Variants in CCNY observed in about 807,000 individuals in gnomAD.
CCNY encodes cyclin Y, also known as cyclin-Y.
In CCNY, 19 loss-of-function variants were observed where a neutral mutation model predicts 42.8. That is an observed-to-expected ratio of 0.44 (90% confidence interval 0.31 to 0.65). The LOEUF (loss-of-function observed/expected upper bound fraction) is 0.65, where lower values mean the gene tolerates loss of function less well. Among genes scored for constraint, CCNY ranks in the 30% least tolerant of loss-of-function variants. The pLI, the probability that CCNY is intolerant of heterozygous loss-of-function variation, is 0.07. For missense variants in CCNY, 370 were observed against 437.3 expected (o/e 0.85, Z 1.37); for synonymous variants, 165 against 162.7 (o/e 1.01, Z -0.11).
At chr10:35,321,777 A>T (rs1293508039) in intron 3 of CCNY, among the ~76,000 whole-genome samples, 1 of 152,228 alleles carries the variant, frequency 6.6e-6, no homozygotes, top group East Asian at 1.9e-4. Flanking sequence ...AAAAAGAACA[A>T]CAAAGTTGGA....
chr10:35,535,329 G>A (rs1840862906), intron 7 of CCNY, among the ~76,000 whole-genome samples: 1 of 152,018 alleles, frequency 6.6e-6, no homozygotes, highest in South Asian at 2.1e-4. Flanking sequence ...ACCTCAAGGA[G>A]CACGGCACCA....
intron 1 of CCNY, among the ~76,000 whole-genome samples, chr10:35,436,639 C>T (rs1479338756): frequency 6.6e-6 from 1 of 152,172 alleles, no homozygotes; most frequent in Non-Finnish European, 1.5e-5. Flanking sequence ...TCTTTTCCTC[C>T]ATGACTTTGA....
intron 7 of CCNY, among the ~76,000 whole-genome samples, chr10:35,542,593 A>G (rs71489506): frequency 0.016 from 2,459 of 152,292 alleles, 25 homozygotes; most frequent in Non-Finnish European, 0.024. Context: ...GGTCATGCCA[A>G]GTGGGGTTGG....
At chr10:35,441,630 C>G (rs1428628092) in intron 1 of CCNY, among the ~76,000 whole-genome samples, 1 of 152,090 alleles carries the variant, frequency 6.6e-6, no homozygotes, top group Non-Finnish European at 1.5e-5. Flanking sequence ...TGCCTGTAGT[C>G]CTAGCTACTT....
intron 3 of CCNY, among the ~76,000 whole-genome samples, chr10:35,306,041 T>A (rs1335763994): frequency 6.6e-6 from 1 of 152,176 alleles, no homozygotes; most frequent in Non-Finnish European, 1.5e-5. Context: ...ATGCCATTTT[T>A]TTTCTTTATG....
chr10:35,253,979 CAT>C (rs2095713779), intron 3 of CCNY, among the ~76,000 whole-genome samples: 1 of 151,546 alleles, frequency 6.6e-6, no homozygotes, highest in Non-Finnish European at 1.5e-5. Context: ...GGGTTCACGC[CAT>C]TCTCCTGCCT....
intron 1 of CCNY, among the ~76,000 whole-genome samples, chr10:35,343,690 T>C (rs1486380391): frequency 6.6e-6 from 1 of 152,214 alleles, no homozygotes; most frequent in Admixed American, 6.5e-5. Flanking sequence ...GTCTCCGGCC[T>C]GATGGTCTTG....
intron 3 of CCNY, among the ~76,000 whole-genome samples, chr10:35,272,064 G>T (rs993875372): frequency 6.6e-6 from 1 of 152,154 alleles, no homozygotes; most frequent in Admixed American, 6.5e-5. Flanking sequence ...TCGGCTTACT[G>T]CAACCTCCGC....
intron 1 of CCNY, among the ~76,000 whole-genome samples, chr10:35,408,674 AG>A (rs1236924036): frequency 6.6e-6 from 1 of 152,150 alleles, no homozygotes; most frequent in African/African-American, 2.4e-5. Context: ...GTGGATCTTT[AG>A]TTGCTTCAGG....
At chr10:35,401,872 G>T (rs925490540) in intron 1 of CCNY, among the ~76,000 whole-genome samples, 1 of 152,018 alleles carries the variant, frequency 6.6e-6, no homozygotes, top group South Asian at 2.1e-4. Context: ...TGATCAGTAG[G>T]GCAGAAACAA....
intron 1 of CCNY, among the ~76,000 whole-genome samples, chr10:35,454,579 A>G (rs1838989347): frequency 6.6e-6 from 1 of 152,228 alleles, no homozygotes; most frequent in African/African-American, 2.4e-5. Flanking sequence ...GGATCAGTTA[A>G]AAGTGTCAGT....
At chr10:35,468,339 C>T (rs774605674) in intron 1 of CCNY, among the ~76,000 whole-genome samples, 1 of 152,158 alleles carries the variant, frequency 6.6e-6, no homozygotes, top group Non-Finnish European at 1.5e-5. Context: ...TAGGATTTAA[C>T]GTATGAATTT....
chr10:35,286,527 C>T (rs7076498), intron 3 of CCNY, among the ~76,000 whole-genome samples: 64,008 of 151,316 alleles, frequency 0.42, 14,325 homozygotes, highest in African/African-American at 0.57. Flanking sequence ...CCCAGCTAAT[C>T]TTTGTATTTT....
At chr10:35,377,899 T>C (rs1163390441) in intron 1 of CCNY, among the ~76,000 whole-genome samples, 1 of 152,236 alleles carries the variant, frequency 6.6e-6, no homozygotes, top group Non-Finnish European at 1.5e-5. Context: ...TGTGCTTCTG[T>C]GTCAGTCTTT....
At chr10:35,512,411 A>G (rs1172812608) in intron 3 of CCNY, among the ~76,000 whole-genome samples, 1 of 152,168 alleles carries the variant, frequency 6.6e-6, no homozygotes, top group African/African-American at 2.4e-5. Flanking sequence ...AGACCATTAC[A>G]TTTGAGGAAA....
intron 3 of CCNY, 123 bp downstream of exon 3, chr10:35,501,658 T>C (rs1229815606): frequency 1.2e-6 from 1 of 848,418 alleles, no homozygotes; most frequent in Non-Finnish European, 2.0e-6. Flanking sequence ...AATGTTGCAG[T>C]GTACTTATGC....
chr10:35,543,705 T>A (rs6481959), intron 7 of CCNY, among the ~76,000 whole-genome samples: 18,064 of 130,904 alleles, frequency 0.14, 2,715 homozygotes, highest in African/African-American at 0.39. Flanking sequence ...CTACTTATTT[T>A]AAAAAAAAAA....
chr10:35,363,350 C>T (rs149745347), intron 1 of CCNY, among the ~76,000 whole-genome samples: 1,707 of 147,126 alleles, frequency 0.012, 20 homozygotes, highest in African/African-American at 0.026. Context: ...GACAGTGGGG[C>T]GGCCGGGCAG....
At chr10:35,332,430 C>T (rs1362147582), upstream of CCNY, 1 of 152,158 alleles carries the variant, frequency 6.6e-6, no homozygotes, top group Non-Finnish European at 1.5e-5. Flanking sequence ...CCTCCTGATT[C>T]AATTAAGGTA....
Sources: gnomAD v4.1 joint callset for allele counts (sites outside exome capture counted in the v4.1 genomes callset) on GRCh38, gnomAD v4.1.1 for gene constraint, MANE v1.5 for transcripts, NCBI Gene and HGNC (gene_info 2026-07-23, HGNC 2026-07-21) for gene names.